Variants in CNTN4 observed in about 807,000 individuals in gnomAD.
CNTN4 encodes contactin-4.
A neutral mutation model predicts 122.5 loss-of-function variants in CNTN4; 77 were observed. The observed-to-expected ratio is 0.63, with a 90% CI of 0.52 to 0.76. CNTN4 has a LOEUF of 0.76. Ranked by LOEUF, CNTN4 falls within the 30% of genes least tolerant of loss-of-function variation. The probability of loss-of-function intolerance (pLI) is 0.00; values close to 1 mark genes in which losing one functional copy is unlikely to be tolerated. For synonymous variants in CNTN4, 512 were observed against 447.0 expected, an observed-to-expected ratio of 1.15 and a Z score of -1.83; for missense variants, 1,256 against 1,259.1, an observed-to-expected ratio of 1.00 and a Z score of 0.04.
At chr3:2,155,329 G>A (rs1440905654) in intron 2 of CNTN4, among the ~76,000 whole-genome samples, 2 of 152,088 alleles carry the variant, frequency 1.3e-5, no homozygotes, top group Non-Finnish European at 2.9e-5. Context: ...AGGGGTGTGG[G>A]ACGCCTGGTG....
At chr3:3,019,934 G>A (rs894477599) in intron 14 of CNTN4, among the ~76,000 whole-genome samples, 17 of 151,390 alleles carry the variant, frequency 1.1e-4, no homozygotes, top group Non-Finnish European at 2.2e-4. Context: ...GTACTTTTCT[G>A]GCAAACTTTC....
chr3:2,830,405 A>T (rs1460123427), intron 7 of CNTN4, among the ~76,000 whole-genome samples: 1 of 152,248 alleles, frequency 6.6e-6, no homozygotes, highest in Non-Finnish European at 1.5e-5. Flanking sequence ...ATGTTTGGAA[A>T]ATGAGAATGG....
rs144871336 is a variant in CNTN4, at chr3:3,021,865, A to C, written c.1487-4237A>C. Among the ~76,000 whole-genome samples, 102 of 152,284 alleles carry C rather than the reference A, an allele frequency of 6.7e-4. 1 individual carries two copies. The East Asian group carries it at 0.013, about 19-fold the overall frequency. ...GAGGCCAAGGCGGGAGGATCTCTTG[A>C]GGCCAGGAGTCTGAGACTGACCTGA... On this transcript the variant is annotated intron_variant, in intron 14 of 24. Coordinates refer to ENST00000418658, the MANE Select transcript of CNTN4 (RefSeq NM_175607.3).
chr3:2,291,324 A>G (rs1245414926), intron 2 of CNTN4, among the ~76,000 whole-genome samples: 4 of 152,174 alleles, frequency 2.6e-5, no homozygotes, highest in African/African-American at 9.7e-5. Flanking sequence ...TCCAACCCAT[A>G]TAGGAGAATT....
At chr3:2,332,680 A>G (rs1039653017) in intron 2 of CNTN4, among the ~76,000 whole-genome samples, 2 of 137,650 alleles carry the variant, frequency 1.5e-5, no homozygotes, top group African/African-American at 2.7e-5. Context: ...ATGAGAACAC[A>G]TGGACACAGG....
At chr3:2,676,414 G>A in intron 4 of CNTN4, among the ~76,000 whole-genome samples, 1 of 152,262 alleles carries the variant, frequency 6.6e-6, no homozygotes, top group Admixed American at 6.5e-5. Flanking sequence ...TAGAGACAGG[G>A]TTTCTGTATG....
intron 3 of CNTN4, among the ~76,000 whole-genome samples, chr3:2,343,483 G>A (rs1720179): frequency 0.48 from 72,225 of 151,982 alleles, 17,433 homozygotes; most frequent in Admixed American, 0.52. Flanking sequence ...TCTGCAACCA[G>A]TGAGACTGGT....
chr3:2,591,625 A>G (rs1576131545), intron 4 of CNTN4, among the ~76,000 whole-genome samples: 1 of 149,756 alleles, frequency 6.7e-6, no homozygotes, highest in East Asian at 2.0e-4. Context: ...CGGCCTCCCA[A>G]AGTGCTGGGA....
intron 14 of CNTN4, among the ~76,000 whole-genome samples, chr3:2,991,792 A>T (rs1695073735): frequency 6.6e-6 from 1 of 152,180 alleles, no homozygotes. Flanking sequence ...CTTTAGTGCA[A>T]GTGTAACAGC....
chr3:2,145,795 T>A (rs560790200), intron 2 of CNTN4, among the ~76,000 whole-genome samples: 4 of 82,260 alleles, frequency 4.9e-5, no homozygotes, highest in Non-Finnish European at 1.0e-4. Context: ...CTTATCTACC[T>A]TATGAAATAT....
chr3:2,102,466 G>C (rs921545824), intron 2 of CNTN4, among the ~76,000 whole-genome samples: 1 of 152,188 alleles, frequency 6.6e-6, no homozygotes, highest in Admixed American at 6.5e-5. Flanking sequence ...CTCTTTAGCA[G>C]ATATAACAGA....
intron 21 of CNTN4, 106 bp downstream of exon 21, chr3:3,042,528 C>T (rs1169864464): frequency 7.7e-6 from 6 of 782,236 alleles, no homozygotes; most frequent in Non-Finnish European, 1.3e-5. Flanking sequence ...CACTAAGAGG[C>T]ATTGGTTTTA....
chr3:2,282,503 A>C (rs754630904), intron 2 of CNTN4, among the ~76,000 whole-genome samples: 2 of 151,830 alleles, frequency 1.3e-5, no homozygotes, highest in Non-Finnish European at 2.9e-5. Context: ...TCATTCTTCC[A>C]CTTTTTTTTC....
intron 2 of CNTN4, among the ~76,000 whole-genome samples, chr3:2,107,943 G>C (rs544120644): frequency 5.3e-5 from 8 of 152,226 alleles, no homozygotes; most frequent in African/African-American, 1.9e-4. Flanking sequence ...ACCCGAAGCT[G>C]TTAATTCTTC....
At chr3:2,426,493 G>T (rs2047838096) in intron 3 of CNTN4, among the ~76,000 whole-genome samples, 1 of 152,066 alleles carries the variant, frequency 6.6e-6, no homozygotes, top group Non-Finnish European at 1.5e-5. Flanking sequence ...GAGTATTTTT[G>T]CATCGATGTT....
At chr3:2,351,557 TCCCC>T (rs2044624717) in intron 3 of CNTN4, among the ~76,000 whole-genome samples, 1 of 152,158 alleles carries the variant, frequency 6.6e-6, no homozygotes, top group Admixed American at 6.5e-5. Flanking sequence ...ATCTCACTTA[TCCCC>T]CTTTATCTGA....
intron 6 of CNTN4, among the ~76,000 whole-genome samples, chr3:2,797,646 A>G (rs2092230409): frequency 6.6e-6 from 1 of 152,222 alleles, no homozygotes. Context: ...TTCAGTGCCC[A>G]GATGTTAGAT....
chr3:2,111,682 C>G (rs1364184937), intron 2 of CNTN4, among the ~76,000 whole-genome samples: 2 of 151,938 alleles, frequency 1.3e-5, no homozygotes. Context: ...AACATCAGAC[C>G]AAGTCATTTA....
intron 4 of CNTN4, among the ~76,000 whole-genome samples, chr3:2,706,113 C>T (rs1041867130): frequency 6.7e-6 from 1 of 149,872 alleles, no homozygotes; most frequent in Non-Finnish European, 1.5e-5. Context: ...AGAGATTAGA[C>T]ATCTATTAAT....
Sources: allele counts gnomAD v4.1 joint callset (sites outside exome capture counted in the v4.1 genomes callset), GRCh38; gene constraint gnomAD v4.1.1; transcripts MANE v1.5; gene names NCBI Gene and HGNC (gene_info 2026-07-23, HGNC 2026-07-21).